The following MFAP2 variants were observed in gnomAD, a reference collection of about 807,000 sequenced individuals.
The protein encoded by MFAP2 is microfibrillar-associated protein 2.
Under a neutral mutation model 30.6 loss-of-function variants are expected in MFAP2, and 23 were observed. The observed-to-expected ratio is 0.75, with a 90% CI of 0.54 to 1.07. The LOEUF is 1.07. Ranked by LOEUF, MFAP2 falls within the 50% of genes least tolerant of loss-of-function variation. MFAP2 has a pLI of 0.00. For missense variants in MFAP2, 198 were observed against 223.8 expected, an observed-to-expected ratio of 0.88 and a Z score of 0.74; for synonymous variants, 73 against 85.7, an observed-to-expected ratio of 0.85 and a Z score of 0.82.
Position 16,974,891 on chromosome 1 carries a change from G to A in MFAP2, c.*29C>T, listed in dbSNP as rs1283082019. The A allele has an allele frequency of 6.4e-6, 4 of 621,044 alleles. No homozygotes were observed. The South Asian group carries it at 7.5e-5, about 12-fold the overall frequency. The allele number at this position is 621,044 out of a possible 1,614,324, so 38.5% of individuals were successfully genotyped here. ...GGCCCGAGGGCCCCAGATCCCAGGA[G>A]GGCCAGGACTCAGGATGCCAGCACC... is the stretch of plus-strand genomic sequence containing the variant. On this transcript the variant is annotated 3_prime_UTR_variant, in exon 9 of 9. Transcript: ENST00000375535.
Position 16,975,822 on chromosome 1 carries a change from C to G in MFAP2, c.287-92G>C, listed in dbSNP as rs1046984598. 1.9e-6 allele frequency: 2 copies of G among 1,077,174 alleles called. No individual in the cohort carries two copies. Among genetic ancestry groups the G allele is most frequent in the Non-Finnish European group, 2.8e-6 (2 of 724,604 alleles). 66.7% of individuals were successfully genotyped at this position (1,077,174 alleles called of 1,614,324 possible). On this transcript the variant is annotated intron_variant, in intron 6 of 8. Coordinates refer to ENST00000375535, the MANE Select transcript of MFAP2 (RefSeq NM_002403.4). This position sits in a 1 kb window ranked among gnomAD's most constrained non-coding sequence, Gnocchi z 5.0. ...GGCTGGCTCACAGGGCCTAGTCCCC[C>G]CTGTACCTTCAGGCCCCGTGCAGAC...
Position 16,976,478 on chromosome 1 carries a change from C to T in MFAP2, c.286+23G>A. The T allele has an allele frequency of 6.2e-7, 1 of 1,614,156 alleles. No homozygotes were observed. Among genetic ancestry groups the T allele is most frequent in the Non-Finnish European group, 8.5e-7 (1 of 1,179,978 alleles). On this transcript the variant is annotated intron_variant, in intron 6 of 8. Coordinates refer to ENST00000375535, the MANE Select transcript of MFAP2 (RefSeq NM_002403.4). The surrounding 1 kb of genome is among the most constrained non-coding windows in gnomAD (Gnocchi z 5.5). The stretch of plus-strand genomic sequence containing the variant: ...AACTTCAGGGCGTGCCTCCATTTTT[C>T]CAGCTGTCAAGAAAGCCCTTACCAA...
rs1557656639 is a variant in MFAP2 at position 16,980,267 on chromosome 1, A to ACACCC, written c.-42+319_-42+320insGGGTG. ...TCTCTGTCTCGGCCATTCCCACCGG[A>ACACCC]CCCCCCCCCCCCACCCCACCCGCCA... On this transcript the variant is annotated intron_variant, in intron 1 of 8. Transcript: ENST00000375535. Among the ~76,000 whole-genome samples, 37 of 80,294 alleles carry ACACCC rather than the reference A, an allele frequency of 4.6e-4. 1 individual carries two copies. Among genetic ancestry groups the ACACCC allele is most frequent in the African/African-American group, 7.4e-4 (11 of 14,936 alleles). 52.7% of individuals were successfully genotyped at this position (80,294 alleles called of 152,430 possible).
At position 16,976,681 on chromosome 1, in the gene MFAP2, CGG is replaced by C; in HGVS notation, c.241+25_241+26del. On this transcript the variant is annotated intron_variant, in intron 5 of 8. Coordinates refer to ENST00000375535, the MANE Select transcript of MFAP2 (RefSeq NM_002403.4). The surrounding 1 kb of genome is among the most constrained non-coding windows in gnomAD (Gnocchi z 5.5). The stretch of plus-strand genomic sequence containing the variant: ...GGGAGGGGTGAGGCAGGAGCTGAGA[CGG>C]GTGGGAGCAGGGTCTGGGGCCTACC... The C allele has an allele frequency of 6.2e-7, 1 of 1,612,426 alleles. No individual in the cohort carries two copies. Among genetic ancestry groups the C allele is most frequent in the Admixed American group, 1.7e-5 (1 of 59,852 alleles).
rs754681022 is a variant in MFAP2, at chr1:16,976,662, G to A, written c.241+46C>T. The A allele has an allele frequency of 9.9e-6, 16 of 1,609,944 alleles. No individual in the cohort carries two copies. The highest frequency in any genetic ancestry group is 1.4e-5 in the Non-Finnish European group (16 of 1,177,740). On this transcript the variant is annotated intron_variant, in intron 5 of 8. Transcript: ENST00000375535. The surrounding 1 kb of genome is among the most constrained non-coding windows in gnomAD (Gnocchi z 5.5). ...TCCCAGGGTTGACAGGGTGGGGAGG[G>A]GTGAGGCAGGAGCTGAGACGGGTGG...
chr1:16,980,664 G>C (rs1367558312), upstream of MFAP2: 2 of 152,168 alleles, frequency 1.3e-5, no homozygotes, highest in African/African-American at 4.8e-5. Flanking sequence ...TCCCCCTCCG[G>C]GCCCCCGACG....
chr1:16,977,286 A>G, intron 2 of MFAP2, 88 bp from the exon 3 acceptor site: 1 of 1,325,686 alleles, frequency 7.5e-7, no homozygotes, highest in Non-Finnish European at 1.1e-6. Context: ...CGGGGGTCAC[A>G]AGGTCAGGCC....
At chr1:16,978,197 C>T (rs1347210585) in intron 2 of MFAP2, 40 bp downstream of exon 2, 2 of 1,553,500 alleles carry the variant, frequency 1.3e-6, no homozygotes, top group South Asian at 2.4e-5. Flanking sequence ...TCCTCAGCCC[C>T]ACATAAGAGG....
chr1:16,976,896 C>T lies in MFAP2; in HGVS notation c.154+1G>A. On this transcript the variant is annotated splice_donor_variant, in intron 4 of 8. Transcript: ENST00000375535. LOFTEE classifies it high-confidence loss of function. This position sits in a 1 kb window ranked among gnomAD's most constrained non-coding sequence, Gnocchi z 5.5. ...GTCCTATCCTACCCCTAGCCCGTTA[C>T]CTTGATAATCATAGTAGTCTGGGTT... The T allele has an allele frequency of 6.2e-7, 1 of 1,614,110 alleles. No individual in the cohort carries two copies. The highest frequency in any genetic ancestry group is 8.5e-7 in the Non-Finnish European group (1 of 1,179,994).
Position 16,976,867 on chromosome 1 carries a change from G to GC in MFAP2, c.154+29dup. On this transcript the variant is annotated intron_variant, in intron 4 of 8. Transcript: ENST00000375535. This position sits in a 1 kb window ranked among gnomAD's most constrained non-coding sequence, Gnocchi z 5.5. ...GGGGGTCTCCCCACCCCAGCTGCCG[G>GC]CCCGTCCTATCCTACCCCTAGCCCG... is the stretch of plus-strand genomic sequence containing the variant. The GC allele has an allele frequency of 6.2e-7, 1 of 1,614,084 alleles. No individual in the cohort carries two copies.
Position 16,975,100 on chromosome 1 carries a change from G to A in MFAP2, c.449-77C>T. On this transcript the variant is annotated intron_variant, in intron 8 of 8. Coordinates refer to ENST00000375535, the MANE Select transcript of MFAP2 (RefSeq NM_002403.4). The surrounding 1 kb of genome is among the most constrained non-coding windows in gnomAD (Gnocchi z 5.0). ...CCGCTGCCCCTCCCCCAACTCTGGT[G>A]ATGGGAGTGTTTTGAGGATGAAAAG... is the stretch of plus-strand genomic sequence containing the variant. 8 of 1,382,780 alleles carry A rather than the reference G, an allele frequency of 5.8e-6. No homozygotes were observed. Among genetic ancestry groups the A allele is most frequent in the South Asian group, 3.7e-5 (3 of 80,946 alleles). 85.7% of individuals were successfully genotyped at this position (1,382,780 alleles called of 1,614,324 possible).
chr1:16,980,244 T>C (rs2076626381), intron 1 of MFAP2, among the ~76,000 whole-genome samples: 1 of 146,208 alleles, frequency 6.8e-6, no homozygotes, highest in Non-Finnish European at 1.5e-5. Context: ...TCTCTGCGTC[T>C]CTGTCTCGGC....
At chr1:16,980,375 G>C (rs55750792) in intron 1 of MFAP2, among the ~76,000 whole-genome samples, 2 of 150,228 alleles carry the variant, frequency 1.3e-5, no homozygotes, top group Non-Finnish European at 3.0e-5. Context: ...CGGGCTCCCC[G>C]CCCTTCCCAA....
Position 16,975,061 on chromosome 1 carries a change from C to T in MFAP2, c.449-38G>A. On this transcript the variant is annotated intron_variant, in intron 8 of 8. Transcript: ENST00000375535. The surrounding 1 kb of genome is among the most constrained non-coding windows in gnomAD (Gnocchi z 5.0). ...GGAAGGAGGCAGGGTCAGGGTGGAGCTGGGTGATGGGAACCGCTGCCCCTC... is the reference window on the plus strand; with the variant it reads ...GGAAGGAGGCAGGGTCAGGGTGGAGTTGGGTGATGGGAACCGCTGCCCCTC... 3 of 1,065,820 alleles carry T rather than the reference C, an allele frequency of 2.8e-6. No individual in the cohort carries two copies. Among genetic ancestry groups the T allele is most frequent in the South Asian group, 1.4e-5 (1 of 73,602 alleles). 66.0% of individuals were successfully genotyped at this position (1,065,820 alleles called of 1,614,324 possible). A position where few individuals can be genotyped will look rare whatever the true frequency, so the allele number is the denominator to read the frequency against.
At chr1:16,980,345 C>A (rs2076628357) in intron 1 of MFAP2, among the ~76,000 whole-genome samples, 1 of 151,078 alleles carries the variant, frequency 6.6e-6, no homozygotes, top group Admixed American at 6.6e-5. Flanking sequence ...GACGACCTCA[C>A]CTCTGGCTCC....
At position 16,978,922 on chromosome 1, in the gene MFAP2, T is replaced by A. The variant is rs138400980; in HGVS notation, c.-41-608A>T. On this transcript the variant is annotated intron_variant, in intron 1 of 8. Transcript: ENST00000375535. ...GGGCTCCCAGCTCCCAGAAGACTCC[T>A]CTCCTGCCAGGCCTCCAGGCCTCGC... 2.0e-5 allele frequency: 3 copies of A among 152,234 alleles called. No individual in the cohort carries two copies. In the East Asian group the frequency reaches 5.8e-4, roughly 30 times the overall value. The allele number at this position is 152,234 out of a possible 1,614,324, so 9.4% of individuals were successfully genotyped here.
chr1:16,980,080 G>A (rs935810339), intron 1 of MFAP2, among the ~76,000 whole-genome samples: 1 of 151,928 alleles, frequency 6.6e-6, no homozygotes, highest in South Asian at 2.1e-4. Flanking sequence ...GACATCAGAC[G>A]GAGGGAGGGC....
chr1:16,981,397 C>G (rs951329522), upstream of MFAP2, among the ~76,000 whole-genome samples: 1 of 152,172 alleles, frequency 6.6e-6, no homozygotes, highest in Non-Finnish European at 1.5e-5. Context: ...AACTCTCCCC[C>G]AGACCTGGCC....
chr1:16,976,138 G>A lies in MFAP2; in HGVS notation c.286+363C>T, dbSNP rs112535254. On this transcript the variant is annotated intron_variant, in intron 6 of 8. Transcript: ENST00000375535. This position sits in a 1 kb window ranked among gnomAD's most constrained non-coding sequence, Gnocchi z 5.5. ...TTTCAAGCTCTCAGCTAGGGCAGCC[G>A]GAGGGCACCGCTCAGCCAGCCTGCA... 1.8e-3 allele frequency: 891 copies of A among 495,940 alleles called. 8 individuals are homozygous for A. Among genetic ancestry groups the A allele is most frequent in the African/African-American group, 0.016 (810 of 51,846 alleles). The allele number at this position is 495,940 out of a possible 1,614,324, so 30.7% of individuals were successfully genotyped here.
Sources: allele counts gnomAD v4.1 joint callset (sites outside exome capture counted in the v4.1 genomes callset), GRCh38; gene constraint gnomAD v4.1.1; non-coding constraint Gnocchi (gnomAD v3.1); transcripts MANE v1.5; gene names NCBI Gene and HGNC (gene_info 2026-07-23, HGNC 2026-07-21).